Variants in PLBD1 observed in about 807,000 individuals in gnomAD.
PLBD1 encodes phospholipase B domain containing 1.
PLBD1 carries 60 observed loss-of-function variants against 63.0 expected under a neutral mutation model. The observed-to-expected ratio is 0.95, with a 90% CI of 0.77 to 1.18. PLBD1 has a LOEUF of 1.18. PLBD1 is among the 50% of genes most tolerant of loss of function. The probability of loss-of-function intolerance (pLI) is 0.00; values close to 1 mark genes in which losing one functional copy is unlikely to be tolerated. For synonymous variants in PLBD1, 262 were observed against 248.0 expected, an observed-to-expected ratio of 1.06 and a Z score of -0.53; for missense variants, 598 against 677.9, an observed-to-expected ratio of 0.88 and a Z score of 1.31.
chr12:14,547,488 A>G (rs1026223745), intron 2 of PLBD1, among the ~76,000 whole-genome samples: 3 of 152,104 alleles, frequency 2.0e-5, no homozygotes, highest in Non-Finnish European at 2.9e-5. Context: ...CTTCTAAGCT[A>G]TATCTTACTA....
chr12:14,553,318 G>T lies in PLBD1; in HGVS notation c.210C>A (p.Tyr70Ter). The T allele has an allele frequency of 6.2e-7, 1 of 1,614,196 alleles. No individual in the cohort carries two copies. Among genetic ancestry groups the T allele is most frequent in the South Asian group, 1.1e-5 (1 of 91,086 alleles). ...MDKNGDAYGF[Y>*]NNSVKTTGWG... is the part of the protein sequence containing the mutation. ...AGCCTGTGGTTTTCACAGAGTTATTGTAAAAGCCATAGGCGTCCCCATTCT... is the reference window on the plus strand; with the variant it reads ...AGCCTGTGGTTTTCACAGAGTTATTTTAAAAGCCATAGGCGTCCCCATTCT... The change falls in exon 2 of 11, where the codon TAC (tyrosine) becomes TAA (stop). Residue 70 changes from tyrosine (Y) to a stop codon, truncating the protein, a stop_gained. Coordinates refer to ENST00000240617, the MANE Select transcript of PLBD1 (RefSeq NM_024829.6). LOFTEE classifies it high-confidence loss of function.
intron 6 of PLBD1, among the ~76,000 whole-genome samples, chr12:14,520,423 A>T (rs1945365859): frequency 6.6e-6 from 1 of 152,244 alleles, no homozygotes; most frequent in African/African-American, 2.4e-5. Flanking sequence ...CAGGTGACAT[A>T]TGTTGAAGTT....
chr12:14,541,637 T>C (rs4764100), intron 3 of PLBD1, among the ~76,000 whole-genome samples: 136,469 of 152,234 alleles, frequency 0.9, 62,499 homozygotes, highest in East Asian at 0.99. Context: ...AAGCATTTCA[T>C]GAAGAGGTTG....
chr12:14,538,919 A>C (rs1243186342), intron 4 of PLBD1, among the ~76,000 whole-genome samples: 2 of 152,012 alleles, frequency 1.3e-5, no homozygotes, highest in Non-Finnish European at 2.9e-5. Context: ...CCAGCTACTC[A>C]AGAGGCTGAG....
At chr12:14,552,378 T>C (rs1592008707) in intron 2 of PLBD1, among the ~76,000 whole-genome samples, 1 of 152,210 alleles carries the variant, frequency 6.6e-6, no homozygotes, top group East Asian at 1.9e-4. Context: ...TAGAATCAAG[T>C]AATGGTAGAA....
chr12:14,537,331 C>T (rs1592003266), intron 4 of PLBD1, among the ~76,000 whole-genome samples: 2 of 152,016 alleles, frequency 1.3e-5, no homozygotes, highest in Admixed American at 6.6e-5. Flanking sequence ...TTGAGCTGGC[C>T]GATACTTTCT....
intron 2 of PLBD1, among the ~76,000 whole-genome samples, chr12:14,551,119 C>T (rs1945655804): frequency 6.6e-6 from 1 of 151,866 alleles, no homozygotes; most frequent in Non-Finnish European, 1.5e-5. Flanking sequence ...AATCCCAGCA[C>T]TTTGGGAGGA....
In PLBD1 at chr12:14,553,591, T is replaced by C. The variant is rs149943603; in HGVS notation, c.116-179A>G. 3.4e-4 allele frequency: 215 copies of C among 625,600 alleles called. 1 individual carries two copies. In the African/African-American group the frequency reaches 3.6e-3, roughly 11 times the overall value. 38.8% of individuals were successfully genotyped at this position (625,600 alleles called of 1,614,324 possible). ...AAGTGGGGAAAAACTGGAATCCCAA[T>C]CAAGGGGGATAAGCCCAAAACACAA... On this transcript the variant is annotated intron_variant, in intron 1 of 10. Transcript: ENST00000240617.
chr12:14,555,660 A>G (rs569807496), intron 1 of PLBD1, among the ~76,000 whole-genome samples: 59 of 152,340 alleles, frequency 3.9e-4, no homozygotes, highest in African/African-American at 1.3e-3. Context: ...TCCAGAGACC[A>G]TCACATACAG....
At chr12:14,552,105 G>A (rs989009980) in intron 2 of PLBD1, among the ~76,000 whole-genome samples, 5 of 152,142 alleles carry the variant, frequency 3.3e-5, no homozygotes, top group African/African-American at 1.2e-4. Flanking sequence ...AATAGATTAA[G>A]ACTGACATTT....
rs753152994 is a variant in PLBD1 at position 14,506,193 on chromosome 12, T to G, written c.1448A>C (p.Asn483Thr). 8.1e-6 allele frequency: 13 copies of G among 1,612,158 alleles called. No homozygotes were observed. The highest frequency in any genetic ancestry group is 1.3e-5 in the African/African-American group (1 of 74,852). ...ICCREDLNSP[N>T]PSPGGCYDTK... ...GTCATAACAACCTCCAGGACTTGGG[T>G]TAGGTGAGTTCAGGTCCTCACGGCA... Residue 483 changes from asparagine to threonine, a missense_variant, in exon 10 of 11, where the codon AAC becomes ACC. Asn to Thr is a moderately conservative substitution (Grantham distance 65). Coordinates refer to ENST00000240617, the MANE Select transcript of PLBD1 (RefSeq NM_024829.6).
rs775481935 is a variant in PLBD1, at chr12:14,553,284, G to C, written c.244C>G (p.Leu82Val). Reference sequence around the variant, plus strand: ...GAGCCATAGCCAGCTCTGATCTCCAGGATGCCCCAGCCTGTGGTTTTCACA... The same window carrying C: ...GAGCCATAGCCAGCTCTGATCTCCACGATGCCCCAGCCTGTGGTTTTCACA... ...NSVKTTGWGI[L>V]EIRAGYGSQT... The change falls in exon 2 of 11, where the codon CTG (leucine) becomes GTG (valine). Residue 82 changes from leucine (L) to valine (V), a missense_variant. Coordinates refer to ENST00000240617, the MANE Select transcript of PLBD1 (RefSeq NM_024829.6). 8.1e-6 allele frequency: 13 copies of C among 1,614,040 alleles called. No homozygotes were observed. In the African/African-American group the frequency reaches 1.5e-4, roughly 18 times the overall value.
intron 6 of PLBD1, among the ~76,000 whole-genome samples, chr12:14,534,099 C>T (rs1455133900): frequency 1.3e-5 from 2 of 152,158 alleles, no homozygotes; most frequent in African/African-American, 4.8e-5. Context: ...AGTGGGCTAA[C>T]ATTGTACCGC....
At chr12:14,511,955 G>C (rs1378385375) in intron 6 of PLBD1, among the ~76,000 whole-genome samples, 2 of 152,052 alleles carry the variant, frequency 1.3e-5, no homozygotes, top group Non-Finnish European at 2.9e-5. Context: ...TTTGTGATTT[G>C]AAATAACAAA....
intron 6 of PLBD1, among the ~76,000 whole-genome samples, chr12:14,533,478 T>C (rs745927308): frequency 6.6e-6 from 1 of 152,236 alleles, no homozygotes; most frequent in Non-Finnish European, 1.5e-5. Flanking sequence ...AACAGGATTA[T>C]ACGTTTCATA....
At chr12:14,563,633 AT>A (rs1396066980) in intron 1 of PLBD1, among the ~76,000 whole-genome samples, 1 of 152,212 alleles carries the variant, frequency 6.6e-6, no homozygotes, top group Non-Finnish European at 1.5e-5. Flanking sequence ...TGGCCACTCA[AT>A]TATACAGCAC....
intron 4 of PLBD1, among the ~76,000 whole-genome samples, chr12:14,539,930 A>G (rs968634157): frequency 6.8e-5 from 10 of 147,356 alleles, no homozygotes; most frequent in Non-Finnish European, 1.2e-4. Context: ...GTACATGTAT[A>G]TATGTGTGTA....
intron 2 of PLBD1, among the ~76,000 whole-genome samples, chr12:14,550,873 C>T (rs1324868649): frequency 4.0e-5 from 6 of 148,944 alleles, no homozygotes; most frequent in East Asian, 2.0e-4. Context: ...AGTGAAACTC[C>T]GTCTCAAAAA....
chr12:14,528,452 C>A (rs1279820235), intron 6 of PLBD1, among the ~76,000 whole-genome samples: 1 of 152,060 alleles, frequency 6.6e-6, no homozygotes, highest in African/African-American at 2.4e-5. Flanking sequence ...TCTGAAAAAT[C>A]TGTAAATTTT....
Sources: gnomAD v4.1 joint callset for allele counts (sites outside exome capture counted in the v4.1 genomes callset) on GRCh38, gnomAD v4.1.1 for gene constraint, MANE v1.5 for transcripts, NCBI Gene and HGNC (gene_info 2026-07-23, HGNC 2026-07-21) for gene names.